The following GRM7 variants were observed in gnomAD, a reference collection of about 807,000 sequenced individuals.
The protein encoded by GRM7 is metabotropic glutamate receptor 7.
A neutral mutation model predicts 84.5 loss-of-function variants in GRM7; 35 were observed. The ratio of observed to expected loss-of-function variants is 0.41; its 90% CI spans 0.32 to 0.55. The LOEUF (loss-of-function observed/expected upper bound fraction) is 0.55. Among genes scored for constraint, GRM7 ranks in the 20% least tolerant of loss-of-function variants. The pLI, the probability that GRM7 is intolerant of heterozygous loss-of-function variation, is 0.19. For synonymous variants in GRM7, 487 were observed against 455.1 expected (o/e 1.07, Z -0.89); for missense variants, 1,003 against 1,194.6 (o/e 0.84, Z 2.36).
chr3:7,158,926 A>T (rs555205688), intron 2 of GRM7, among the ~76,000 whole-genome samples: 74 of 152,192 alleles, frequency 4.9e-4, no homozygotes, highest in Non-Finnish European at 8.7e-4. Context: ...ACAGATTATA[A>T]ATGTATATAA....
At chr3:6,886,112 T>A (rs1019501858) in intron 1 of GRM7, among the ~76,000 whole-genome samples, 1 of 146,556 alleles carries the variant, frequency 6.8e-6, no homozygotes, top group East Asian at 1.9e-4. Context: ...TGTGTGTGGG[T>A]GTGTGTGTGT....
At chr3:7,272,072 T>C (rs963502290) in intron 2 of GRM7, among the ~76,000 whole-genome samples, 7 of 152,198 alleles carry the variant, frequency 4.6e-5, no homozygotes, top group African/African-American at 1.4e-4. Flanking sequence ...GTGGTTAAGA[T>C]ACAATTATAT....
At position 7,276,559 on chromosome 3, in the gene GRM7, C is replaced by A. The variant is rs149853651; in HGVS notation, c.737-22125C>A. ...GCTTCATGATCTTAGATGAAAATGGCGGTGGTGTCGATGACTAATATAAAA... is the reference window on the plus strand; with the variant it reads ...GCTTCATGATCTTAGATGAAAATGGAGGTGGTGTCGATGACTAATATAAAA... On this transcript the variant is annotated intron_variant, in intron 2 of 9. Coordinates refer to ENST00000357716, the MANE Select transcript of GRM7 (RefSeq NM_000844.4). 5.1e-3 allele frequency among the ~76,000 whole-genome samples: 781 copies of A among 151,684 alleles called. 4 individuals are homozygous for A. The highest frequency in any genetic ancestry group is 0.01 in the Middle Eastern group (3 of 294).
At chr3:7,542,980 T>C (rs1292903959) in intron 7 of GRM7, among the ~76,000 whole-genome samples, 1 of 152,204 alleles carries the variant, frequency 6.6e-6, no homozygotes, top group African/African-American at 2.4e-5. Flanking sequence ...GAAGGGCTGG[T>C]ATCCTGACTC....
chr3:7,697,577 T>C (rs1156656600), intron 9 of GRM7, among the ~76,000 whole-genome samples: 1 of 152,204 alleles, frequency 6.6e-6, no homozygotes, highest in East Asian at 1.9e-4. Flanking sequence ...AGATTTACAA[T>C]GCAGTGTACA....
At chr3:6,962,077 G>T (rs1040742690) in intron 1 of GRM7, among the ~76,000 whole-genome samples, 3 of 152,098 alleles carry the variant, frequency 2.0e-5, no homozygotes, top group African/African-American at 7.2e-5. Flanking sequence ...CTTCCATCTT[G>T]CTAAATTTTA....
chr3:7,196,889 C>A (rs1462013970), intron 2 of GRM7, among the ~76,000 whole-genome samples: 2 of 152,072 alleles, frequency 1.3e-5, no homozygotes, highest in East Asian at 3.9e-4. Context: ...ATGAAAGTTA[C>A]CCAGTGAATA....
intron 5 of GRM7, among the ~76,000 whole-genome samples, chr3:7,425,942 A>G (rs1308836271): frequency 9.2e-5 from 14 of 152,074 alleles, no homozygotes; most frequent in Admixed American, 9.2e-4. Context: ...CCGAGTATAT[A>G]TCAATAGATT....
At chr3:7,515,569 A>C (rs1700347003) in intron 7 of GRM7, among the ~76,000 whole-genome samples, 2 of 152,190 alleles carry the variant, frequency 1.3e-5, no homozygotes, top group South Asian at 4.1e-4. Flanking sequence ...AGCCAGTATC[A>C]AAAAGGAAAC....
At chr3:6,875,014 C>T (rs1163091710) in intron 1 of GRM7, among the ~76,000 whole-genome samples, 1 of 152,152 alleles carries the variant, frequency 6.6e-6, no homozygotes, top group East Asian at 1.9e-4. Flanking sequence ...TCTTACTCAT[C>T]CTGAGGTAGA....
At chr3:7,382,905 A>G (rs1392304378) in intron 4 of GRM7, among the ~76,000 whole-genome samples, 1 of 152,182 alleles carries the variant, frequency 6.6e-6, no homozygotes, top group African/African-American at 2.4e-5. Flanking sequence ...CTCATTTCAC[A>G]CATACTTTGC....
In GRM7 at chr3:7,300,651, T is replaced by C. The variant is rs184885359; in HGVS notation, c.878+1826T>C. Among the ~76,000 whole-genome samples, 451 of 152,238 alleles carry C rather than the reference T, an allele frequency of 3.0e-3. 3 individuals carry two copies. The highest frequency in any genetic ancestry group is 5.4e-3 in the Non-Finnish European group (369 of 68,006). Reference sequence around the variant, plus strand: ...GATCTCCCTCCCAATTCTGCATGCATTCTTTCCCCCTCCCTGGCCCATGTT... The same window carrying C: ...GATCTCCCTCCCAATTCTGCATGCACTCTTTCCCCCTCCCTGGCCCATGTT... On this transcript the variant is annotated intron_variant, in intron 3 of 9. Transcript: ENST00000357716.
At chr3:7,011,907 T>G (rs568262535) in intron 1 of GRM7, among the ~76,000 whole-genome samples, 1 of 152,222 alleles carries the variant, frequency 6.6e-6, no homozygotes, top group African/African-American at 2.4e-5. Context: ...GCCATTTGGG[T>G]TTAGGTGGTT....
intron 1 of GRM7, among the ~76,000 whole-genome samples, chr3:7,059,211 A>G (rs1268675909): frequency 6.6e-6 from 1 of 151,182 alleles, no homozygotes; most frequent in East Asian, 2.0e-4. Flanking sequence ...TGTTTCATCA[A>G]TATATTTTTT....
intron 4 of GRM7, among the ~76,000 whole-genome samples, chr3:7,399,327 G>C (rs1037992760): frequency 6.6e-6 from 1 of 152,130 alleles, no homozygotes; most frequent in Admixed American, 6.5e-5. Context: ...GGTCTGTTCT[G>C]TAAAACTTTC....
intron 2 of GRM7, among the ~76,000 whole-genome samples, chr3:7,149,913 G>T (rs1236399202): frequency 2.0e-5 from 3 of 152,232 alleles, no homozygotes; most frequent in South Asian, 2.1e-4. Flanking sequence ...TTGAGTAATA[G>T]ATGTTATCTG....
intron 9 of GRM7, among the ~76,000 whole-genome samples, chr3:7,705,337 C>A (rs1701351692): frequency 6.6e-6 from 1 of 152,148 alleles, no homozygotes; most frequent in African/African-American, 2.4e-5. Context: ...CTGCTAGCAT[C>A]CTACCCCACA....
At chr3:7,363,928 T>G (rs1488752414) in intron 4 of GRM7, among the ~76,000 whole-genome samples, 1 of 152,114 alleles carries the variant, frequency 6.6e-6, no homozygotes, top group Non-Finnish European at 1.5e-5. Flanking sequence ...CTGTTTACAT[T>G]CTTTGTCAAT....
chr3:6,870,048 T>C (rs1695071052), intron 1 of GRM7, among the ~76,000 whole-genome samples: 2 of 152,160 alleles, frequency 1.3e-5, no homozygotes, highest in South Asian at 4.2e-4. Context: ...TCTCCCTCTC[T>C]TCTCTCCCTT....
Sources: allele counts gnomAD v4.1 joint callset (sites outside exome capture counted in the v4.1 genomes callset), GRCh38; gene constraint gnomAD v4.1.1; transcripts MANE v1.5; gene names NCBI Gene and HGNC (gene_info 2026-07-23, HGNC 2026-07-21).